Variants in ROBO2 observed in about 807,000 individuals in gnomAD.
ROBO2 encodes the protein roundabout guidance receptor 2.
In ROBO2, 53 loss-of-function variants were observed where a neutral mutation model predicts 160.8. That is an observed-to-expected ratio of 0.33 (90% CI 0.26 to 0.41). ROBO2 has a LOEUF of 0.41. Among genes scored for constraint, ROBO2 ranks in the 10% least tolerant of loss-of-function variants. The pLI, the probability that ROBO2 is intolerant of heterozygous loss-of-function variation, is 1.00. For missense variants in ROBO2, 1,577 were observed against 1,722.4 expected, an observed-to-expected ratio of 0.92 and a Z score of 1.49; for synonymous variants, 664 against 611.7, an observed-to-expected ratio of 1.09 and a Z score of -1.26.
At chr3:76,442,475 G>A (rs919201177) in intron 2 of ROBO2, among the ~76,000 whole-genome samples, 3 of 152,070 alleles carry the variant, frequency 2.0e-5, no homozygotes, top group African/African-American at 7.2e-5. Flanking sequence ...CTCTTTACTG[G>A]TGGCTCAGGG....
intron 2 of ROBO2, among the ~76,000 whole-genome samples, chr3:76,219,565 A>G (rs1338441682): frequency 1.3e-5 from 2 of 152,226 alleles, no homozygotes; most frequent in Non-Finnish European, 2.9e-5. Context: ...GCCAACAGAC[A>G]CATGAAAAAA....
At chr3:76,755,161 A>C (rs1262072836) in intron 2 of ROBO2, among the ~76,000 whole-genome samples, 1 of 151,872 alleles carries the variant, frequency 6.6e-6, no homozygotes, top group Admixed American at 6.6e-5. Flanking sequence ...GAATTTTCCT[A>C]TGTAATAAAT....
chr3:76,111,334 G>A (rs2070221508), intron 2 of ROBO2, among the ~76,000 whole-genome samples: 1 of 151,978 alleles, frequency 6.6e-6, no homozygotes, highest in Admixed American at 6.6e-5. Context: ...GTCAAGGAAG[G>A]ATTCTTTCTA....
At chr3:76,948,902 A>ATTT (rs2078764231) in intron 2 of ROBO2, among the ~76,000 whole-genome samples, 1 of 42,838 alleles carries the variant, frequency 2.3e-5, no homozygotes, top group African/African-American at 1.5e-4. Flanking sequence ...ATATATATAT[A>ATTT]TATATATTTT....
At chr3:76,463,451 G>A (rs1326572854) in intron 2 of ROBO2, among the ~76,000 whole-genome samples, 1 of 152,058 alleles carries the variant, frequency 6.6e-6, no homozygotes, top group Non-Finnish European at 1.5e-5. Context: ...TTCCTCATCT[G>A]TCACCTCCAT....
intron 2 of ROBO2, among the ~76,000 whole-genome samples, chr3:77,249,900 T>G (rs749058485): frequency 2.0e-5 from 3 of 148,772 alleles, no homozygotes; most frequent in Admixed American, 6.7e-5. Context: ...ATTTAATGGG[T>G]TTTTTTTTTC....
In ROBO2 at chr3:76,853,979, A is replaced by G. The variant is rs932328762; in HGVS notation, c.110-244035A>G. 4.0e-5 allele frequency among the ~76,000 whole-genome samples: 6 copies of G among 151,304 alleles called. No individual in the cohort carries two copies. The East Asian group carries it at 9.8e-4, about 25-fold the overall frequency. On this transcript the variant is annotated intron_variant, in intron 2 of 26. Transcript: ENST00000487694. ...TTTGAGTCTCTTTGCAGTCTTCTGG[A>G]AAAATGCATAGATAAATGGACAGCC...
intron 2 of ROBO2, among the ~76,000 whole-genome samples, chr3:77,414,524 A>G (rs1216422388): frequency 6.6e-6 from 1 of 152,256 alleles, no homozygotes; most frequent in African/African-American, 2.4e-5. Flanking sequence ...GTTAAGTTAG[A>G]AAAATTAATG....
chr3:76,434,352 G>C, intron 2 of ROBO2: 3 of 1,372,852 alleles, frequency 2.2e-6, no homozygotes, highest in Non-Finnish European at 3.1e-6. Flanking sequence ...ATAAGCTTTC[G>C]GGAGAAGAAC....
At chr3:76,734,864 T>C (rs974513521) in intron 2 of ROBO2, among the ~76,000 whole-genome samples, 14 of 152,246 alleles carry the variant, frequency 9.2e-5, no homozygotes, top group Non-Finnish European at 1.3e-4. Flanking sequence ...CTTGATTGAA[T>C]TCATCTACTC....
intron 2 of ROBO2, among the ~76,000 whole-genome samples, chr3:77,031,631 TATTA>T (rs1175839543): frequency 1.4e-5 from 2 of 146,428 alleles, no homozygotes; most frequent in East Asian, 3.9e-4. Flanking sequence ...ATTAATTATA[TATTA>T]ATTTATTTAT....
At chr3:76,631,776 G>A (rs1220945269) in intron 2 of ROBO2, among the ~76,000 whole-genome samples, 1 of 152,274 alleles carries the variant, frequency 6.6e-6, no homozygotes. Flanking sequence ...CGGTTGATTA[G>A]CAATCCCACC....
At chr3:77,568,288 G>A (rs557544710) in intron 12 of ROBO2, 25 bp from the exon 14 acceptor site, 1 of 1,611,812 alleles carries the variant, frequency 6.2e-7, no homozygotes, top group South Asian at 1.1e-5. Flanking sequence ...TTAAAGGTGG[G>A]AATGATTCTC....
At chr3:77,554,221 A>G (rs1008219794) in intron 8 of ROBO2, among the ~76,000 whole-genome samples, 2 of 151,932 alleles carry the variant, frequency 1.3e-5, no homozygotes, top group Admixed American at 6.6e-5. Flanking sequence ...TGGTTTACCT[A>G]CCGAAATATT....
rs1232620828 is a variant in ROBO2 at position 77,277,200 on chromosome 3, CT to C, written c.388+178863del. Among the ~76,000 whole-genome samples, 189 of 129,272 alleles carry C rather than the reference CT, an allele frequency of 1.5e-3. 1 individual carries two copies. The highest frequency in any genetic ancestry group is 2.6e-3 in the Non-Finnish European group (155 of 59,266). The allele number at this position is 129,272 out of a possible 152,430, so 84.8% of individuals were successfully genotyped here. On this transcript the variant is annotated intron_variant, in intron 2 of 25. Transcript: ENST00000461745. ...TCTTTCTTTCTTTCTTTCTTTCTTT[CT>C]TTCTTTCTTTCTTCTTTCTTTCTTT... is the stretch of plus-strand genomic sequence containing the variant.
chr3:77,530,032 C>T (rs1302696330), intron 6 of ROBO2, among the ~76,000 whole-genome samples: 2 of 151,768 alleles, frequency 1.3e-5, no homozygotes, highest in African/African-American at 4.8e-5. Context: ...ATAATGATTA[C>T]ATATTAAAAT....
intron 2 of ROBO2, among the ~76,000 whole-genome samples, chr3:76,221,183 C>T (rs1703941298): frequency 6.6e-6 from 1 of 152,202 alleles, no homozygotes; most frequent in African/African-American, 2.4e-5. Flanking sequence ...GAACTAAGTC[C>T]TCTTGCCCAA....
chr3:76,436,941 G>A (rs1281097212), intron 2 of ROBO2, among the ~76,000 whole-genome samples: 2 of 152,098 alleles, frequency 1.3e-5, no homozygotes, highest in African/African-American at 2.4e-5. Context: ...TATGCTCATC[G>A]ACCTAGCAAT....
chr3:77,088,158 CAG>C (rs964935403), intron 1 of ROBO2, among the ~76,000 whole-genome samples: 2 of 152,034 alleles, frequency 1.3e-5, no homozygotes, highest in East Asian at 1.9e-4. Context: ...GAGGAAAAAA[CAG>C]GGGAAAAAGT....
Sources: allele counts gnomAD v4.1 joint callset (sites outside exome capture counted in the v4.1 genomes callset), GRCh38; gene constraint gnomAD v4.1.1; transcripts MANE v1.5; gene names NCBI Gene and HGNC (gene_info 2026-07-23, HGNC 2026-07-21).